DCC: variants seen among roughly 807,000 people sequenced by gnomAD.
DCC encodes DCC netrin 1 receptor.
Under a neutral mutation model 172.5 loss-of-function variants are expected in DCC, and 58 were observed. The observed-to-expected ratio is 0.34, with a 90% CI of 0.27 to 0.42. The LOEUF (loss-of-function observed/expected upper bound fraction) is 0.42, where lower values mean the gene tolerates loss of function less well. Among genes scored for constraint, DCC ranks in the 10% least tolerant of loss-of-function variants. DCC has a pLI of 1.00. For synonymous variants in DCC, 709 were observed against 644.5 expected (o/e 1.10, Z -1.52); for missense variants, 1,740 against 1,791.0 (o/e 0.97, Z 0.51).
intron 6 of DCC, among the ~76,000 whole-genome samples, chr18:53,065,760 C>G (rs771161098): frequency 6.6e-6 from 1 of 152,082 alleles, no homozygotes; most frequent in Non-Finnish European, 1.5e-5. Context: ...AAATACTTGT[C>G]TGTTGACTGC....
intron 12 of DCC, among the ~76,000 whole-genome samples, chr18:53,275,783 C>T (rs188664981): frequency 1.1e-3 from 164 of 152,102 alleles, no homozygotes; most frequent in African/African-American, 3.7e-3. Flanking sequence ...AAAGGGTCAT[C>T]GCTGATAATG....
intron 1 of DCC, among the ~76,000 whole-genome samples, chr18:52,547,297 G>C (rs544966534): frequency 6.6e-6 from 1 of 152,102 alleles, no homozygotes; most frequent in African/African-American, 2.4e-5. Context: ...TCTTAAAAGC[G>C]AAAATGTTGT....
chr18:53,291,619 A>G (rs1010873330), intron 12 of DCC, among the ~76,000 whole-genome samples: 1 of 152,176 alleles, frequency 6.6e-6, no homozygotes, highest in African/African-American at 2.4e-5. Flanking sequence ...AATTTTACAT[A>G]TAACTCCCCT....
intron 1 of DCC, among the ~76,000 whole-genome samples, chr18:52,442,427 A>G (rs1010641020): frequency 1.3e-5 from 2 of 152,232 alleles, no homozygotes; most frequent in Admixed American, 6.5e-5. Context: ...TAATTATAAC[A>G]ATAAGATTTT....
chr18:52,708,819 A>G (rs558786725), intron 1 of DCC, among the ~76,000 whole-genome samples: 42 of 152,250 alleles, frequency 2.8e-4, no homozygotes, highest in Non-Finnish European at 5.7e-4. Context: ...CAAACCTACA[A>G]CATAGTTAAG....
chr18:52,694,126 T>C (rs1305874117), intron 1 of DCC, among the ~76,000 whole-genome samples: 1 of 152,102 alleles, frequency 6.6e-6, no homozygotes, highest in African/African-American at 2.4e-5. Flanking sequence ...ACTTCACTTC[T>C]ATGGAGTTCT....
At chr18:53,347,271 TTCA>T (rs965909456) in intron 15 of DCC, among the ~76,000 whole-genome samples, 2 of 152,202 alleles carry the variant, frequency 1.3e-5, no homozygotes, top group African/African-American at 4.8e-5. Flanking sequence ...CGCTGGTCGC[TTCA>T]TCAAGATCTT....
intron 8 of DCC, among the ~76,000 whole-genome samples, chr18:53,161,708 A>G (rs950780853): frequency 1.3e-5 from 2 of 152,016 alleles, no homozygotes; most frequent in African/African-American, 4.8e-5. Flanking sequence ...AGTTCCCCCC[A>G]CTTTTGAAAT....
At chr18:52,772,619 G>C (rs1164706437) in intron 2 of DCC, among the ~76,000 whole-genome samples, 2 of 152,156 alleles carry the variant, frequency 1.3e-5, no homozygotes, top group Non-Finnish European at 1.5e-5. Context: ...TCTCCTTAAA[G>C]AAATAATAAC....
At chr18:53,017,756 A>G (rs914587414) in intron 5 of DCC, among the ~76,000 whole-genome samples, 3 of 152,208 alleles carry the variant, frequency 2.0e-5, no homozygotes, top group African/African-American at 7.2e-5. Context: ...AAATTCATCC[A>G]TTGCTAGCAG....
At chr18:52,393,291 G>C (rs1424055993) in intron 1 of DCC, among the ~76,000 whole-genome samples, 1 of 152,038 alleles carries the variant, frequency 6.6e-6, no homozygotes, top group Admixed American at 6.6e-5. Context: ...GAATGTAGAG[G>C]GGACGATGCA....
At chr18:52,540,246 G>T (rs2032400353) in intron 1 of DCC, among the ~76,000 whole-genome samples, 1 of 152,006 alleles carries the variant, frequency 6.6e-6, no homozygotes, top group South Asian at 2.1e-4. Context: ...AACCATCCTG[G>T]GCAATATAGC....
At chr18:52,906,357 AATG>A (rs776498762) in intron 3 of DCC, 29 bp downstream of exon 3, 2 of 1,610,762 alleles carry the variant, frequency 1.2e-6, no homozygotes, top group African/African-American at 2.7e-5. Flanking sequence ...TTGCCTTCAG[AATG>A]ATATTCTCTG....
chr18:52,747,657 T>C (rs2036926412), intron 1 of DCC, among the ~76,000 whole-genome samples: 1 of 152,306 alleles, frequency 6.6e-6, no homozygotes, highest in East Asian at 1.9e-4. Context: ...TCTGTCTTCC[T>C]CTCTTCATAC....
intron 5 of DCC, among the ~76,000 whole-genome samples, chr18:53,020,621 T>A (rs544572843): frequency 6.6e-6 from 1 of 152,308 alleles, no homozygotes; most frequent in East Asian, 1.9e-4. Flanking sequence ...TAGCCTTGGA[T>A]GAACAATATC....
At chr18:53,230,445 C>T (rs78838968) in intron 12 of DCC, among the ~76,000 whole-genome samples, 72 of 152,060 alleles carry the variant, frequency 4.7e-4, no homozygotes, top group Non-Finnish European at 8.0e-4. Flanking sequence ...GGGACTCCAG[C>T]GTATCATTTT....
At chr18:53,110,941 C>T (rs2043321051) in intron 7 of DCC, among the ~76,000 whole-genome samples, 1 of 123,346 alleles carries the variant, frequency 8.1e-6, no homozygotes, top group Admixed American at 8.9e-5. Context: ...TATAAAGACA[C>T]ATGCACACGT....
chr18:52,797,398 C>T (rs1397579708), intron 2 of DCC, among the ~76,000 whole-genome samples: 1 of 152,048 alleles, frequency 6.6e-6, no homozygotes. Flanking sequence ...ATGGATAGGC[C>T]TTTGTAAGGA....
intron 5 of DCC, 38 bp from the exon 6 acceptor site, chr18:53,063,267 C>T: frequency 6.2e-7 from 1 of 1,609,026 alleles, no homozygotes; most frequent in Non-Finnish European, 8.5e-7. Context: ...GTTCACATCC[C>T]CACCCACTCA....
Sources: gnomAD v4.1 joint callset for allele counts (sites outside exome capture counted in the v4.1 genomes callset) on GRCh38, gnomAD v4.1.1 for gene constraint, MANE v1.5 for transcripts, NCBI Gene and HGNC (gene_info 2026-07-23, HGNC 2026-07-21) for gene names.